Variants in NAV3 observed in about 807,000 individuals in gnomAD.
NAV3 encodes the protein pore membrane and/or filament interacting like protein 1.
Under a neutral mutation model 244.7 loss-of-function variants are expected in NAV3, and 87 were observed. The observed-to-expected ratio is 0.36, with a 90% CI of 0.30 to 0.42. The LOEUF (loss-of-function observed/expected upper bound fraction) is 0.42, where lower values mean the gene tolerates loss of function less well. Among genes scored for constraint, NAV3 ranks in the 20% least tolerant of loss-of-function variants. The pLI is 1.00. For missense variants in NAV3, 2,663 were observed against 2,893.3 expected, an observed-to-expected ratio of 0.92 and a Z score of 1.83; for synonymous variants, 1,126 against 1,042.2, an observed-to-expected ratio of 1.08 and a Z score of -1.55.
intron 2 of NAV3, among the ~76,000 whole-genome samples, chr12:77,793,431 C>T (rs1016556399): frequency 6.6e-6 from 1 of 152,190 alleles, no homozygotes; most frequent in African/African-American, 2.4e-5. Flanking sequence ...GTTTTAAGCC[C>T]CACATGCATT....
At chr12:77,939,844 T>C (rs1318166083) in intron 1 of NAV3, among the ~76,000 whole-genome samples, 1 of 152,184 alleles carries the variant, frequency 6.6e-6, no homozygotes, top group Non-Finnish European at 1.5e-5. Context: ...AATTATCTCA[T>C]AAAATGATGC....
intron 2 of NAV3, among the ~76,000 whole-genome samples, chr12:77,768,498 C>T (rs1383633536): frequency 6.6e-6 from 1 of 152,244 alleles, no homozygotes; most frequent in East Asian, 1.9e-4. Context: ...GGGGCTGAGG[C>T]AGCAGGGGGC....
intron 9 of NAV3, among the ~76,000 whole-genome samples, chr12:78,035,908 T>C (rs1008531898): frequency 6.6e-6 from 1 of 152,178 alleles, no homozygotes; most frequent in Non-Finnish European, 1.5e-5. Context: ...TTTACACTCT[T>C]GAATTTGATT....
chr12:77,611,112 TA>T (rs1335543403), intron 2 of NAV3, among the ~76,000 whole-genome samples: 1 of 151,990 alleles, frequency 6.6e-6, no homozygotes, highest in Admixed American at 6.6e-5. Flanking sequence ...AATGCCAATG[TA>T]AAAAAAGATG....
At chr12:77,644,553 T>C (rs117047111) in intron 2 of NAV3, among the ~76,000 whole-genome samples, 2,202 of 152,226 alleles carry the variant, frequency 0.014, 28 homozygotes, top group South Asian at 0.029. Context: ...ACAGCCTAAA[T>C]GTCAGCTTTT....
At chr12:77,649,064 TTATAA>T (rs779778720) in intron 2 of NAV3, among the ~76,000 whole-genome samples, 2 of 152,150 alleles carry the variant, frequency 1.3e-5, no homozygotes, top group Non-Finnish European at 2.9e-5. Flanking sequence ...AAATAAAATG[TTATAA>T]TATAGTTGGA....
intron 1 of NAV3, among the ~76,000 whole-genome samples, chr12:77,859,327 C>T (rs754019927): frequency 1.9e-4 from 29 of 152,056 alleles, no homozygotes; most frequent in Admixed American, 2.6e-4. Flanking sequence ...GAAACTACTA[C>T]TGTAAACGTG....
intron 2 of NAV3, among the ~76,000 whole-genome samples, chr12:77,703,433 G>A (rs1875649798): frequency 6.6e-6 from 1 of 152,022 alleles, no homozygotes; most frequent in African/African-American, 2.4e-5. Flanking sequence ...CAGGTGTGAG[G>A]CATTCAAGTT....
In NAV3 at chr12:77,610,865, T is replaced by A. The variant is rs531140014; in HGVS notation, c.72+38599T>A. 4.8e-4 allele frequency among the ~76,000 whole-genome samples: 73 copies of A among 152,016 alleles called. 2 individuals carry two copies. The highest frequency in any genetic ancestry group is 1.2e-4 in the Non-Finnish European group (8 of 67,956). ...ATTTTAAGAGTCCGTGTATGTTTGA[T>A]GAAGATGTGTGTGATTGATAAACTT... On this transcript the variant is annotated intron_variant, in intron 2 of 8. Transcript: ENST00000550042.
intron 1 of NAV3, among the ~76,000 whole-genome samples, chr12:77,908,351 A>G (rs1190140025): frequency 6.6e-6 from 1 of 152,072 alleles, no homozygotes; most frequent in African/African-American, 2.4e-5. Context: ...CTTGTGGGCT[A>G]AATACATTGT....
At chr12:77,690,901 T>A (rs1371078824) in intron 2 of NAV3, among the ~76,000 whole-genome samples, 2 of 150,976 alleles carry the variant, frequency 1.3e-5, no homozygotes, top group Non-Finnish European at 3.0e-5. Context: ...ATTCTTTAGT[T>A]TTGATTGCTA....
intron 2 of NAV3, among the ~76,000 whole-genome samples, chr12:77,621,043 G>C (rs1871350866): frequency 6.6e-6 from 1 of 152,172 alleles, no homozygotes; most frequent in South Asian, 2.1e-4. Context: ...AATGTTTAAT[G>C]CATCAGATAA....
intron 1 of NAV3, among the ~76,000 whole-genome samples, chr12:77,872,966 G>T (rs1165814617): frequency 6.6e-6 from 1 of 152,072 alleles, no homozygotes; most frequent in African/African-American, 2.4e-5. Flanking sequence ...ACATGTCATG[G>T]GCGGGACCCC....
At chr12:77,633,237 C>T (rs1392477928) in intron 2 of NAV3, among the ~76,000 whole-genome samples, 1 of 151,952 alleles carries the variant, frequency 6.6e-6, no homozygotes, top group African/African-American at 2.4e-5. Flanking sequence ...CCTGTAAATC[C>T]GTAAATATTT....
chr12:77,581,599 C>A (rs140944206), intron 2 of NAV3, among the ~76,000 whole-genome samples: 67 of 152,254 alleles, frequency 4.4e-4, no homozygotes, highest in African/African-American at 1.5e-3. Context: ...TCAGACATTT[C>A]TACATATTAG....
chr12:77,836,490 A>C (rs1874659875), intron 1 of NAV3, among the ~76,000 whole-genome samples: 1 of 152,190 alleles, frequency 6.6e-6, no homozygotes, highest in Admixed American at 6.5e-5. Flanking sequence ...ATTTTATAGA[A>C]AATTTTTTAC....
intron 2 of NAV3, among the ~76,000 whole-genome samples, chr12:77,572,568 G>A (rs1868877581): frequency 6.6e-6 from 1 of 152,122 alleles, no homozygotes; most frequent in South Asian, 2.1e-4. Flanking sequence ...TGAGACCCAG[G>A]GTGAGGCATG....
chr12:78,112,760 G>T (rs1244823468), intron 12 of NAV3, among the ~76,000 whole-genome samples: 2 of 151,912 alleles, frequency 1.3e-5, no homozygotes, highest in Admixed American at 1.3e-4. Context: ...CAAATCTCGT[G>T]TTCTCACAAT....
intron 1 of NAV3, among the ~76,000 whole-genome samples, chr12:77,937,417 G>A (rs947211254): frequency 2.0e-5 from 3 of 152,136 alleles, no homozygotes; most frequent in Non-Finnish European, 2.9e-5. Context: ...TTGGATAAAG[G>A]CTAAGGAACT....
Sources: allele counts gnomAD v4.1 joint callset (sites outside exome capture counted in the v4.1 genomes callset), GRCh38; gene constraint gnomAD v4.1.1; transcripts MANE v1.5; gene names NCBI Gene and HGNC (gene_info 2026-07-23, HGNC 2026-07-21).